CERS6: variants seen among roughly 807,000 people sequenced by gnomAD.
The protein encoded by CERS6 is ceramide synthase 6, also known as LAG1 homolog, ceramide synthase 6.
In CERS6, 26 loss-of-function variants were observed where a neutral mutation model predicts 56.8. The observed-to-expected ratio is 0.46, with a 90% CI of 0.34 to 0.63. The LOEUF is 0.63. CERS6 is among the 30% of genes least tolerant of loss of function. The pLI is 0.01. For synonymous variants in CERS6, 164 were observed against 173.3 expected, an observed-to-expected ratio of 0.95 and a Z score of 0.42; for missense variants, 415 against 467.5, an observed-to-expected ratio of 0.89 and a Z score of 1.04.
rs1468477812 is a variant in CERS6 at position 168,456,736 on chromosome 2, C to G, written c.170+118C>G. On this transcript the variant is annotated intron_variant, in intron 1 of 9. Transcript: ENST00000305747. This position sits in a 1 kb window ranked among gnomAD's most constrained non-coding sequence, Gnocchi z 4.1. ...CAACGCTCGCGTTCACGCCTCCCAA[C>G]CTTTGTGTTCGGGGAGGGGTTGCTG... The G allele has an allele frequency of 2.1e-6, 2 of 953,862 alleles. No individual in the cohort carries two copies. Among genetic ancestry groups the G allele is most frequent in the Non-Finnish European group, 3.1e-6 (2 of 639,748 alleles). 59.1% of individuals were successfully genotyped at this position (953,862 alleles called of 1,614,324 possible).
intron 1 of CERS6, among the ~76,000 whole-genome samples, chr2:168,475,592 T>C (rs1208835757): frequency 6.6e-6 from 1 of 152,164 alleles, no homozygotes; most frequent in Non-Finnish European, 1.5e-5. Flanking sequence ...CAGTAATAGT[T>C]TAGTGAAAAA....
At chr2:168,555,722 C>CTCTCTGTGTGTGTG (rs1261403157) in intron 2 of CERS6, among the ~76,000 whole-genome samples, 2 of 140,920 alleles carry the variant, frequency 1.4e-5, no homozygotes, top group African/African-American at 5.5e-5. Flanking sequence ...ATAATTGACT[C>CTCTCTGTGTGTGTG]TGTGTGTGTG....
intron 3 of CERS6, among the ~76,000 whole-genome samples, chr2:168,563,288 A>G (rs1695825395): frequency 6.6e-6 from 1 of 152,214 alleles, no homozygotes; most frequent in South Asian, 2.1e-4. Context: ...GCAGGTCATT[A>G]TGTGCATACC....
chr2:168,636,553 A>G (rs1684863518), intron 4 of CERS6, among the ~76,000 whole-genome samples: 1 of 152,150 alleles, frequency 6.6e-6, no homozygotes, highest in Non-Finnish European at 1.5e-5. Flanking sequence ...GTGTAAGTCC[A>G]TTGTCATCCC....
intron 8 of CERS6, among the ~76,000 whole-genome samples, chr2:168,731,545 C>G (rs1683533123): frequency 6.6e-6 from 1 of 151,832 alleles, no homozygotes; most frequent in African/African-American, 2.4e-5. Context: ...GAAGGGAAAA[C>G]ATCATCATAC....
chr2:168,653,318 C>T (rs542662318), intron 4 of CERS6, among the ~76,000 whole-genome samples: 2 of 152,188 alleles, frequency 1.3e-5, no homozygotes, highest in African/African-American at 4.8e-5. Flanking sequence ...GGCTGCTCCA[C>T]TTTTCTTGAT....
chr2:168,627,855 T>G (rs1180808638), intron 3 of CERS6, among the ~76,000 whole-genome samples: 1 of 152,130 alleles, frequency 6.6e-6, no homozygotes, highest in Non-Finnish European at 1.5e-5. Context: ...TTTTCATCTT[T>G]GGTTCATTTC....
chr2:168,525,012 A>C (rs1476613946), intron 1 of CERS6, among the ~76,000 whole-genome samples: 2 of 152,188 alleles, frequency 1.3e-5, no homozygotes, highest in Non-Finnish European at 2.9e-5. Context: ...TGTGGAAGAA[A>C]GTTTGTCTTT....
intron 1 of CERS6, among the ~76,000 whole-genome samples, chr2:168,501,124 T>C (rs1426213651): frequency 6.6e-6 from 1 of 152,240 alleles, no homozygotes; most frequent in Non-Finnish European, 1.5e-5. Context: ...CAGAGTCTTA[T>C]GAAGGCAGTT....
chr2:168,526,759 T>C (rs1453944822), intron 1 of CERS6, among the ~76,000 whole-genome samples: 1 of 152,238 alleles, frequency 6.6e-6, no homozygotes, highest in African/African-American at 2.4e-5. Context: ...CCACACCCTG[T>C]GCGAGTGGCC....
chr2:168,714,126 A>C (rs1687167624), intron 6 of CERS6, among the ~76,000 whole-genome samples: 1 of 152,174 alleles, frequency 6.6e-6, no homozygotes, highest in South Asian at 2.1e-4. Flanking sequence ...GTATGGTGGA[A>C]GGGGCAAAGC....
intron 4 of CERS6, among the ~76,000 whole-genome samples, chr2:168,679,663 G>A (rs1686161122): frequency 6.6e-6 from 1 of 152,176 alleles, no homozygotes; most frequent in African/African-American, 2.4e-5. Context: ...CACACAGATA[G>A]GACATGGTTC....
intron 1 of CERS6, among the ~76,000 whole-genome samples, chr2:168,477,624 C>T (rs997948516): frequency 4.6e-5 from 7 of 152,118 alleles, no homozygotes; most frequent in South Asian, 2.1e-4. Context: ...AACTTTTGTA[C>T]GTCTTTCTTT....
chr2:168,656,587 T>C (rs992040780), intron 4 of CERS6, among the ~76,000 whole-genome samples: 4 of 151,876 alleles, frequency 2.6e-5, no homozygotes, highest in Admixed American at 2.0e-4. Flanking sequence ...TTCCTCCCGG[T>C]GGGCTCGTGG....
intron 3 of CERS6, among the ~76,000 whole-genome samples, chr2:168,574,132 C>T (rs530447023): frequency 6.6e-6 from 1 of 152,098 alleles, no homozygotes; most frequent in African/African-American, 2.4e-5. Context: ...GGAAATGTGT[C>T]CAACTTGAAC....
chr2:168,625,992 T>C (rs1684582017), intron 3 of CERS6, among the ~76,000 whole-genome samples: 1 of 152,082 alleles, frequency 6.6e-6, no homozygotes, highest in Admixed American at 6.5e-5. Context: ...CATTTTTAGG[T>C]ATAAAATCAG....
chr2:168,713,872 A>G (rs1687160409), intron 6 of CERS6, among the ~76,000 whole-genome samples: 1 of 152,154 alleles, frequency 6.6e-6, no homozygotes, highest in Admixed American at 6.6e-5. Flanking sequence ...GTATTCTGGG[A>G]GAAGGATGCT....
chr2:168,511,841 G>A (rs1050887949), intron 1 of CERS6, among the ~76,000 whole-genome samples: 3 of 152,052 alleles, frequency 2.0e-5, no homozygotes, highest in Non-Finnish European at 2.9e-5. Context: ...CCATAATTAA[G>A]ATAAAGGATT....
chr2:168,666,396 A>G (rs78837906), intron 4 of CERS6, among the ~76,000 whole-genome samples: 7,207 of 152,202 alleles, frequency 0.047, 430 homozygotes, highest in African/African-American at 0.14. Context: ...ATGTCATATA[A>G]TTGGAATCAT....
Sources: gnomAD v4.1 joint callset for allele counts (sites outside exome capture counted in the v4.1 genomes callset) on GRCh38, gnomAD v4.1.1 for gene constraint, Gnocchi (gnomAD v3.1) non-coding constraint, MANE v1.5 for transcripts, NCBI Gene and HGNC (gene_info 2026-07-23, HGNC 2026-07-21) for gene names.